TSHZ3: variants seen among roughly 807,000 people sequenced by gnomAD.
The protein encoded by TSHZ3 is teashirt zinc finger homeobox 3, also known as teashirt homolog 3.
TSHZ3 carries 10 observed loss-of-function variants against 64.5 expected under a neutral mutation model. The observed-to-expected ratio is 0.16, with a 90% CI of 0.10 to 0.26. The LOEUF (loss-of-function observed/expected upper bound fraction) is 0.26. Among genes scored for constraint, TSHZ3 ranks in the 10% least tolerant of loss-of-function variants. The pLI, the probability that TSHZ3 is intolerant of heterozygous loss-of-function variation, is 1.00. For synonymous variants in TSHZ3, 608 were observed against 593.1 expected (o/e 1.03, Z -0.36); for missense variants, 1,242 against 1,421.7 (o/e 0.87, Z 2.03).
At chr19:31,160,957 T>G (rs932319610) in intron 5 of TSHZ3, among the ~76,000 whole-genome samples, 5 of 152,224 alleles carry the variant, frequency 3.3e-5, no homozygotes, top group African/African-American at 1.2e-4. Flanking sequence ...TTGTCATGCA[T>G]TTCCTTGTCT....
Position 31,195,540 on chromosome 19 carries a change from C to A in TSHZ3, n.809+9416G>T, listed in dbSNP as rs538032522. On this transcript the variant is annotated intron_variant and non_coding_transcript_variant, in intron 5 of 6. Coordinates refer to the TSHZ3 transcript ENST00000651361. ...GGAGAAATAGACTTTTTATACAAAC[C>A]AAAATGTAGGGATTCTTTTATTTAT... 14 of 141,924 alleles carry A rather than the reference C, an allele frequency of 9.9e-5. No individual in the cohort carries two copies. In the South Asian group the frequency reaches 1.4e-3, roughly 14 times the overall value. 8.8% of individuals were successfully genotyped at this position (141,924 alleles called of 1,614,324 possible).
intron 1 of TSHZ3, among the ~76,000 whole-genome samples, chr19:31,283,686 C>T (rs1406284378): frequency 1.3e-5 from 2 of 152,204 alleles, no homozygotes; most frequent in Admixed American, 1.3e-4. Flanking sequence ...AGGTAAAGAG[C>T]CGAGCTGTAA....
chr19:31,210,418 T>A (rs985266524), intron 4 of TSHZ3, among the ~76,000 whole-genome samples: 16 of 152,154 alleles, frequency 1.1e-4, no homozygotes, highest in Admixed American at 2.6e-4. Context: ...AGAGGCAGTA[T>A]GTTTGAGGAG....
At chr19:31,255,208 A>G (rs755076124) in intron 1 of TSHZ3, among the ~76,000 whole-genome samples, 6 of 152,110 alleles carry the variant, frequency 3.9e-5, no homozygotes, top group Non-Finnish European at 7.4e-5. Context: ...GAACTCCCCC[A>G]AAACCCCTCT....
chr19:31,196,934 G>A (rs1449575362), intron 5 of TSHZ3, among the ~76,000 whole-genome samples: 1 of 151,936 alleles, frequency 6.6e-6, no homozygotes, highest in African/African-American at 2.4e-5. Flanking sequence ...ACACAGTTGA[G>A]CTCAACACCA....
At chr19:31,206,023 G>C (rs1209220565) in intron 4 of TSHZ3, among the ~76,000 whole-genome samples, 1 of 152,088 alleles carries the variant, frequency 6.6e-6, no homozygotes, top group East Asian at 1.9e-4. Flanking sequence ...ATAGATGAAT[G>C]GATGGATGAA....
chr19:31,262,354 T>C (rs1975991058), intron 1 of TSHZ3, among the ~76,000 whole-genome samples: 1 of 152,216 alleles, frequency 6.6e-6, no homozygotes, highest in Non-Finnish European at 1.5e-5. Context: ...GAAGCAAATG[T>C]CTTGCTTCTT....
intron 1 of TSHZ3, among the ~76,000 whole-genome samples, chr19:31,348,322 A>G (rs1319909909): frequency 1.3e-5 from 2 of 152,230 alleles, no homozygotes; most frequent in Non-Finnish European, 1.5e-5. Context: ...CCCTTCTTCC[A>G]GGCAACATGC....
intron 5 of TSHZ3, among the ~76,000 whole-genome samples, chr19:31,165,183 C>T (rs1599555389): frequency 6.6e-6 from 1 of 152,314 alleles, no homozygotes; most frequent in South Asian, 2.1e-4. Flanking sequence ...TTCCTTTCAG[C>T]GTCTGCCAAT....
At chr19:31,327,160 C>A (rs1916955405) in intron 1 of TSHZ3, among the ~76,000 whole-genome samples, 1 of 152,106 alleles carries the variant, frequency 6.6e-6, no homozygotes, top group South Asian at 2.1e-4. Flanking sequence ...GTACTGTAAG[C>A]CAAACCTTCA....
At chr19:31,315,862 G>C (rs1916586639) in intron 1 of TSHZ3, among the ~76,000 whole-genome samples, 1 of 152,066 alleles carries the variant, frequency 6.6e-6, no homozygotes, top group African/African-American at 2.4e-5. Flanking sequence ...GATTTATTAA[G>C]CTAATAAAAA....
At chr19:31,350,814 G>C (rs905249305), upstream of TSHZ3, among the ~76,000 whole-genome samples, 1 of 147,862 alleles carries the variant, frequency 6.8e-6, no homozygotes, top group Non-Finnish European at 1.5e-5. Context: ...CGGCGCGGGC[G>C]GCGGCGCATC....
chr19:31,237,470 A>T (rs1277503124), intron 3 of TSHZ3, among the ~76,000 whole-genome samples: 1 of 152,002 alleles, frequency 6.6e-6, no homozygotes, highest in Admixed American at 6.5e-5. Flanking sequence ...TGCACCTCTA[A>T]TACTGTTTAT....
chr19:31,258,720 C>A (rs1396397050), intron 1 of TSHZ3, among the ~76,000 whole-genome samples: 1 of 152,162 alleles, frequency 6.6e-6, no homozygotes, highest in Non-Finnish European at 1.5e-5. Flanking sequence ...AGAACTGATG[C>A]CTGAGATTCT....
At chr19:31,254,960 A>G (rs2145194223) in intron 1 of TSHZ3, among the ~76,000 whole-genome samples, 1 of 152,262 alleles carries the variant, frequency 6.6e-6, no homozygotes, top group South Asian at 2.1e-4. Flanking sequence ...CAGGTGCCTC[A>G]GCAGGAGTGG....
At chr19:31,183,303 T>C (rs1006008433) in intron 5 of TSHZ3, among the ~76,000 whole-genome samples, 4 of 151,514 alleles carry the variant, frequency 2.6e-5, no homozygotes, top group African/African-American at 9.7e-5. Flanking sequence ...ATAATGACAC[T>C]GATTCAACAC....
At chr19:31,251,585 G>A (rs1250840762) in intron 1 of TSHZ3, among the ~76,000 whole-genome samples, 1 of 152,152 alleles carries the variant, frequency 6.6e-6, no homozygotes, top group Admixed American at 6.5e-5. Flanking sequence ...TAATTCTGAA[G>A]GTGTTCTAGC....
intron 1 of TSHZ3, among the ~76,000 whole-genome samples, chr19:31,338,991 G>T (rs552914643): frequency 2.9e-4 from 44 of 152,040 alleles, no homozygotes; most frequent in African/African-American, 1.1e-3. Context: ...CAAGTTACAG[G>T]TTTACACGGC....
chr19:31,331,157 C>T (rs1436083266), intron 1 of TSHZ3, among the ~76,000 whole-genome samples: 1 of 152,112 alleles, frequency 6.6e-6, no homozygotes, highest in Non-Finnish European at 1.5e-5. Flanking sequence ...CCGGGCTGAA[C>T]CAAAGCATCA....
Sources: allele counts gnomAD v4.1 joint callset (sites outside exome capture counted in the v4.1 genomes callset), GRCh38; gene constraint gnomAD v4.1.1; transcripts MANE v1.5; gene names NCBI Gene and HGNC (gene_info 2026-07-23, HGNC 2026-07-21).